The following ADAMTS9 variants were observed in gnomAD, a reference collection of about 807,000 sequenced individuals.
ADAMTS9 encodes the protein ADAM metallopeptidase with thrombospondin type 1 motif 9, also known as A disintegrin and metalloproteinase with thrombospondin motifs 9.
Under a neutral mutation model 257.1 loss-of-function variants are expected in ADAMTS9, and 107 were observed. That is an observed-to-expected ratio of 0.42 (90% CI 0.36 to 0.49). ADAMTS9 has a LOEUF of 0.49. ADAMTS9 is among the 20% of genes least tolerant of loss of function. The pLI is 0.03. For missense variants in ADAMTS9, 2,353 were observed against 2,469.1 expected (o/e 0.95, Z 1.00); for synonymous variants, 982 against 880.9 (o/e 1.11, Z -2.03).
At chr3:64,556,997 C>G (rs2083346312) in intron 30 of ADAMTS9, among the ~76,000 whole-genome samples, 1 of 152,098 alleles carries the variant, frequency 6.6e-6, no homozygotes, top group Non-Finnish European at 1.5e-5. Context: ...ATGAGAAAAA[C>G]AGGCAATGAG....
At chr3:64,595,754 C>A (rs2106793248) in intron 27 of ADAMTS9, among the ~76,000 whole-genome samples, 1 of 152,182 alleles carries the variant, frequency 6.6e-6, no homozygotes, top group Non-Finnish European at 1.5e-5. Context: ...TTTCATTCAG[C>A]CAAGGATGTG....
intron 11 of ADAMTS9, among the ~76,000 whole-genome samples, chr3:64,644,717 C>T (rs531455276): frequency 1.3e-5 from 2 of 152,176 alleles, no homozygotes; most frequent in Non-Finnish European, 1.5e-5. Flanking sequence ...TCTGGAAATA[C>T]ATTTTTTCCC....
chr3:64,564,791 C>G (rs1312994598), intron 29 of ADAMTS9, among the ~76,000 whole-genome samples: 2 of 152,062 alleles, frequency 1.3e-5, no homozygotes, highest in East Asian at 3.9e-4. Context: ...TAGCTCTAGG[C>G]TAAGCATTTT....
chr3:64,608,880 G>C lies in ADAMTS9; in HGVS notation c.3355-1801C>G, dbSNP rs2084614323. 2.0e-5 allele frequency among the ~76,000 whole-genome samples: 3 copies of C among 151,736 alleles called. No homozygotes were observed. The South Asian group carries it at 6.2e-4, about 31-fold the overall frequency. ...TACAGATGTAAAAATCCTCAACAAA[G>C]TACTAACAAATTGAATCCAATAGCA... On this transcript the variant is annotated intron_variant, in intron 22 of 39. Coordinates refer to ENST00000498707, the MANE Select transcript of ADAMTS9 (RefSeq NM_182920.2).
Position 64,651,059 on chromosome 3 carries a change from A to T in ADAMTS9, c.1421T>A (p.Met474Lys), listed in dbSNP as rs1186946020. The change falls in exon 9 of 40, where the codon ATG (methionine) becomes AAG (lysine). Residue 474 changes from methionine to lysine, a missense_variant. Transcript: ENST00000498707. ...ATATTTTCGACTACACTTTGACCAC[A>T]TCCAGGGGTTGGTGTAGAAGTTCAG... ...PTLNFYTNPW[M>K]WSKCSRKYIT... 2 of 1,607,682 alleles carry T rather than the reference A, an allele frequency of 1.2e-6. No individual in the cohort carries two copies. The highest frequency in any genetic ancestry group is 1.3e-5 in the African/African-American group (1 of 74,492).
chr3:64,623,862 C>A (rs535374876), intron 16 of ADAMTS9, among the ~76,000 whole-genome samples: 5 of 151,944 alleles, frequency 3.3e-5, no homozygotes, highest in African/African-American at 9.7e-5. Flanking sequence ...TATGTATCTT[C>A]GGGGAAGAAT....
chr3:64,609,274 G>T (rs1026582808), intron 22 of ADAMTS9, among the ~76,000 whole-genome samples: 1 of 152,054 alleles, frequency 6.6e-6, no homozygotes, highest in Non-Finnish European at 1.5e-5. Flanking sequence ...TCTAGCCAGA[G>T]AAATTAGGAA....
intron 26 of ADAMTS9, among the ~76,000 whole-genome samples, chr3:64,599,201 T>C (rs1219638838): frequency 6.6e-6 from 1 of 152,180 alleles, no homozygotes; most frequent in Non-Finnish European, 1.5e-5. Context: ...ACAGATGAAG[T>C]ATTGTACATA....
At chr3:64,524,513 T>C (rs1476176987) in intron 38 of ADAMTS9, among the ~76,000 whole-genome samples, 2 of 152,232 alleles carry the variant, frequency 1.3e-5, no homozygotes, top group African/African-American at 4.8e-5. Flanking sequence ...TCTATTTTGA[T>C]AATAGAGAAC....
intron 16 of ADAMTS9, among the ~76,000 whole-genome samples, chr3:64,627,602 G>C (rs6445418): frequency 0.5 from 76,640 of 151,950 alleles, 20,361 homozygotes; most frequent in African/African-American, 0.68. Flanking sequence ...TGACAGGAAG[G>C]CTTCCTGCTT....
intron 31 of ADAMTS9, 139 bp downstream of exon 31, chr3:64,550,753 G>T: frequency 9.5e-7 from 1 of 1,057,974 alleles, no homozygotes; most frequent in South Asian, 1.6e-5. Context: ...GGACTTGTCA[G>T]AAAACACACA....
intron 3 of ADAMTS9, among the ~76,000 whole-genome samples, chr3:64,665,911 T>C (rs1701344732): frequency 6.6e-6 from 1 of 152,200 alleles, no homozygotes; most frequent in Non-Finnish European, 1.5e-5. Flanking sequence ...AGAAAGCATA[T>C]AGAGAATTTC....
chr3:64,662,299 C>T (rs962622796), intron 3 of ADAMTS9, among the ~76,000 whole-genome samples: 5 of 151,998 alleles, frequency 3.3e-5, no homozygotes, highest in Admixed American at 1.3e-4. Context: ...TCCTTTTAAA[C>T]GTATTGAAAT....
intron 26 of ADAMTS9, among the ~76,000 whole-genome samples, chr3:64,600,066 T>G (rs1251471255): frequency 6.7e-6 from 1 of 150,346 alleles, no homozygotes; most frequent in East Asian, 1.9e-4. Flanking sequence ...TTTTTTTTTT[T>G]TTTTTGCAAA....
chr3:64,657,742 T>C (rs1701116264), intron 4 of ADAMTS9, among the ~76,000 whole-genome samples: 1 of 152,216 alleles, frequency 6.6e-6, no homozygotes, highest in African/African-American at 2.4e-5. Flanking sequence ...GTTTGCATTA[T>C]GTTTCTATTG....
At chr3:64,521,279 T>A (rs2082848246) in intron 39 of ADAMTS9, among the ~76,000 whole-genome samples, 1 of 152,094 alleles carries the variant, frequency 6.6e-6, no homozygotes, top group African/African-American at 2.4e-5. Context: ...ATGGCGATTC[T>A]TAAAAAGTAA....
intron 28 of ADAMTS9, among the ~76,000 whole-genome samples, chr3:64,569,873 G>A (rs1447559230): frequency 1.3e-5 from 2 of 152,124 alleles, no homozygotes; most frequent in African/African-American, 2.4e-5. Context: ...CAGGATGGAA[G>A]GAAGCCATCC....
At position 64,596,855 on chromosome 3, in the gene ADAMTS9, T is replaced by A. The variant is rs767744524; in HGVS notation, c.4154A>T (p.Gln1385Leu). The change falls in exon 27 of 40, where the codon CAG becomes CTG. Residue 1385 changes from glutamine (Q) to leucine (L), a missense_variant. Physicochemically the swap from Gln to Leu is moderately radical, Grantham distance 113. This residue lies in a region of ADAMTS9 where 1,402 missense variants were observed against 1,441.4 expected (regional missense o/e 0.97). Coordinates refer to ENST00000498707, the MANE Select transcript of ADAMTS9 (RefSeq NM_182920.2). ...CTCTCCCCAGTTGCCATAAGCCCAC[T>A]GAGGACAAGGGCCGGATTCACAGGC... is the stretch of plus-strand genomic sequence containing the variant. ...QRACESGPCP[Q>L]WAYGNWGECT... 9 of 1,613,920 alleles carry A rather than the reference T, an allele frequency of 5.6e-6. No homozygotes were observed. In the Admixed American group the frequency reaches 1.5e-4, roughly 27 times the overall value.
intron 28 of ADAMTS9, among the ~76,000 whole-genome samples, chr3:64,574,938 G>T (rs556803250): frequency 3.9e-5 from 6 of 152,148 alleles, no homozygotes; most frequent in Non-Finnish European, 7.3e-5. Context: ...AATGTTAATA[G>T]CTCTGACTTT....
Sources: gnomAD v4.1 joint callset for allele counts (sites outside exome capture counted in the v4.1 genomes callset) on GRCh38, gnomAD v4.1.1 for gene constraint, gnomAD v4.1.1 regional missense constraint, MANE v1.5 for transcripts, NCBI Gene and HGNC (gene_info 2026-07-23, HGNC 2026-07-21) for gene names.